The following GAPVD1 variants were observed in gnomAD, a reference collection of about 807,000 sequenced individuals.
GAPVD1 encodes GTPase activating protein and VPS9 domains 1, also known as GTPase-activating protein and VPS9 domain-containing protein 1.
GAPVD1 carries 35 observed loss-of-function variants against 155.5 expected under a neutral mutation model. The observed-to-expected ratio is 0.23, with a 90% CI of 0.17 to 0.30. The LOEUF is 0.30. Among genes scored for constraint, GAPVD1 ranks in the 10% least tolerant of loss-of-function variants. The pLI, the probability that GAPVD1 is intolerant of heterozygous loss-of-function variation, is 1.00. For missense variants in GAPVD1, 1,429 were observed against 1,775.7 expected (o/e 0.80, Z 3.51); for synonymous variants, 636 against 619.7 (o/e 1.03, Z -0.39).
At chr9:125,296,074 ACCT>A (rs1281547424) in intron 3 of GAPVD1, among the ~76,000 whole-genome samples, 2 of 151,886 alleles carry the variant, frequency 1.3e-5, no homozygotes, top group African/African-American at 2.4e-5. Context: ...TATACCTACC[ACCT>A]CAGTTCAACA....
chr9:125,302,940 T>C (rs985811969), intron 5 of GAPVD1, 114 bp downstream of exon 5: 6 of 1,279,708 alleles, frequency 4.7e-6, no homozygotes, highest in African/African-American at 3.0e-5. Context: ...TTACAACTTT[T>C]TCTCAACCAG....
In GAPVD1 at chr9:125,302,307, T is replaced by G; in HGVS notation, c.510T>G (p.Leu170=). ...ELKESDNPRR[L]LRRGTCAFSI... ...AAGAAAGTGACAACCCTAGGCGACT[T>G]TTGAGGAGAGGAACTTGTGCCTTCA... The change falls in exon 5 of 28, where the codon CTT becomes CTG. Residue 170 remains leucine, a synonymous_variant. Coordinates refer to ENST00000297933, the MANE Select transcript of GAPVD1 (RefSeq NM_001282680.3). The G allele has an allele frequency of 6.2e-7, 1 of 1,614,044 alleles. No homozygotes were observed. The highest frequency in any genetic ancestry group is 8.5e-7 in the Non-Finnish European group (1 of 1,179,930).
chr9:125,267,899 A>G (rs1834230532), intron 1 of GAPVD1, among the ~76,000 whole-genome samples: 1 of 152,064 alleles, frequency 6.6e-6, no homozygotes, highest in African/African-American at 2.4e-5. Context: ...ACAGTGGCTC[A>G]CACCTGTGAT....
chr9:125,315,044 C>T (rs966078681), intron 9 of GAPVD1, among the ~76,000 whole-genome samples: 2 of 152,094 alleles, frequency 1.3e-5, no homozygotes, highest in African/African-American at 4.8e-5. Context: ...ACCTCGGCCT[C>T]CCAAAGTGCT....
chr9:125,263,816 T>A, intron 1 of GAPVD1: 1 of 1,088,866 alleles, frequency 9.2e-7, no homozygotes, highest in East Asian at 2.3e-5. Context: ...TCTGGACAGC[T>A]ATGGCGTAGG....
rs1368429120 is a variant in GAPVD1 at position 125,350,353 on chromosome 9, G to T, written c.3358G>T (p.Val1120Leu). The change falls in exon 22 of 28, where the codon GTG (valine) becomes TTG (leucine). Residue 1120 changes from valine (V) to leucine (L), a missense_variant. Transcript: ENST00000297933. ...LCSADSVAFPVLTHSTRNGLP... is the reference protein window; with the variant it reads ...LCSADSVAFPLLTHSTRNGLP... ...CTCTGCGGACTCTGTTGCCTTCCCA[G>T]TGCTGACCCATTCAACAAGGAATGG... is the stretch of plus-strand genomic sequence containing the variant. The T allele has an allele frequency of 1.2e-6, 2 of 1,608,592 alleles. No individual in the cohort carries two copies. The highest frequency in any genetic ancestry group is 1.1e-5 in the South Asian group (1 of 89,790).
At chr9:125,344,973 A>T (rs1259247515) in intron 19 of GAPVD1, among the ~76,000 whole-genome samples, 1 of 152,140 alleles carries the variant, frequency 6.6e-6, no homozygotes, top group Non-Finnish European at 1.5e-5. Context: ...TACTTTGGGA[A>T]TCCTGTCTAT....
intron 2 of GAPVD1, among the ~76,000 whole-genome samples, chr9:125,292,055 T>C (rs1489703603): frequency 1.3e-5 from 2 of 151,968 alleles, no homozygotes; most frequent in African/African-American, 2.4e-5. Flanking sequence ...CTGAGCAACA[T>C]GGTGAGACTC....
intron 8 of GAPVD1, among the ~76,000 whole-genome samples, chr9:125,310,697 G>T (rs534952966): frequency 6.6e-6 from 1 of 150,836 alleles, no homozygotes. Flanking sequence ...GTGCCACCAC[G>T]CCAGCTAATT....
chr9:125,299,875 G>A (rs1241806338), intron 4 of GAPVD1, among the ~76,000 whole-genome samples: 4 of 138,530 alleles, frequency 2.9e-5, no homozygotes, highest in Non-Finnish European at 3.1e-5. Flanking sequence ...AAAAATTAGC[G>A]GGGCATGGTG....
At chr9:125,326,654 G>A (rs2131640281) in intron 12 of GAPVD1, 65 bp downstream of exon 12, 1 of 1,147,182 alleles carries the variant, frequency 8.7e-7, no homozygotes, top group South Asian at 1.3e-5. Context: ...AACCTTTCAT[G>A]GGAGGGAGCA....
intron 3 of GAPVD1, among the ~76,000 whole-genome samples, chr9:125,298,430 G>T (rs956672599): frequency 1.4e-5 from 2 of 146,262 alleles, no homozygotes; most frequent in African/African-American, 5.0e-5. Context: ...GTAATAAAAA[G>T]ATAGAGATTA....
At chr9:125,266,071 T>C (rs901066395) in intron 1 of GAPVD1, among the ~76,000 whole-genome samples, 9 of 151,014 alleles carry the variant, frequency 6.0e-5, no homozygotes, top group Non-Finnish European at 1.3e-4. Context: ...CTCTATAATT[T>C]CACGTCTATA....
At chr9:125,310,219 G>C (rs1842466296) in intron 8 of GAPVD1, among the ~76,000 whole-genome samples, 1 of 151,784 alleles carries the variant, frequency 6.6e-6, no homozygotes, top group Admixed American at 6.6e-5. Context: ...TTCAGTAAAA[G>C]ATAGGGTGAG....
At chr9:125,294,653 T>G (rs1839549701) in intron 2 of GAPVD1, among the ~76,000 whole-genome samples, 1 of 38,942 alleles carries the variant, frequency 2.6e-5, no homozygotes, top group East Asian at 4.7e-4. Flanking sequence ...GCTAAAATGG[T>G]TTTTTTTTTT....
chr9:125,270,079 A>G (rs1355163881), intron 2 of GAPVD1, among the ~76,000 whole-genome samples: 4 of 152,084 alleles, frequency 2.6e-5, no homozygotes, highest in Non-Finnish European at 5.9e-5. Flanking sequence ...ACATTTTAGA[A>G]TAAGTTTTAG....
chr9:125,263,375 G>A (rs1326681456), intron 1 of GAPVD1, among the ~76,000 whole-genome samples: 1 of 152,238 alleles, frequency 6.6e-6, no homozygotes, highest in Non-Finnish European at 1.5e-5. Flanking sequence ...CTTGAGCCCG[G>A]GAGGTGGATA....
chr9:125,286,912 C>T (rs1431845048), intron 2 of GAPVD1, among the ~76,000 whole-genome samples: 4 of 151,654 alleles, frequency 2.6e-5, no homozygotes, highest in Middle Eastern at 6.8e-3. Context: ...GGCAAAACCC[C>T]GTCTCTACTA....
intron 15 of GAPVD1, among the ~76,000 whole-genome samples, chr9:125,336,220 A>G (rs1016003069): frequency 6.6e-6 from 1 of 151,588 alleles, no homozygotes; most frequent in Admixed American, 6.6e-5. Flanking sequence ...TGATCTAACT[A>G]TAGAACAAAA....
Sources: gnomAD v4.1 joint callset for allele counts (sites outside exome capture counted in the v4.1 genomes callset) on GRCh38, gnomAD v4.1.1 for gene constraint, MANE v1.5 for transcripts, NCBI Gene and HGNC (gene_info 2026-07-23, HGNC 2026-07-21) for gene names.